PARD3B: variants seen among roughly 807,000 people sequenced by gnomAD.
PARD3B encodes par-3 family cell polarity regulator beta.
A neutral mutation model predicts 130.2 loss-of-function variants in PARD3B; 103 were observed. That is an observed-to-expected ratio of 0.79 (90% CI 0.67 to 0.93). The LOEUF (loss-of-function observed/expected upper bound fraction) is 0.93, where lower values mean the gene tolerates loss of function less well. Among genes scored for constraint, PARD3B ranks in the 40% least tolerant of loss-of-function variants. The probability of loss-of-function intolerance (pLI) is 0.00; values close to 1 mark genes in which losing one functional copy is unlikely to be tolerated. For synonymous variants in PARD3B, 583 were observed against 553.2 expected, an observed-to-expected ratio of 1.05 and a Z score of -0.76; for missense variants, 1,609 against 1,499.2, an observed-to-expected ratio of 1.07 and a Z score of -1.21.
chr2:205,372,856 G>A (rs992514132), intron 18 of PARD3B, among the ~76,000 whole-genome samples: 2 of 152,122 alleles, frequency 1.3e-5, no homozygotes, highest in African/African-American at 2.4e-5. Flanking sequence ...CCATGAGCCT[G>A]TAAGCCCAGC....
chr2:204,938,572 A>G (rs1398988545), intron 2 of PARD3B, among the ~76,000 whole-genome samples: 2 of 152,154 alleles, frequency 1.3e-5, no homozygotes, highest in African/African-American at 2.4e-5. Flanking sequence ...AAAATTCTAT[A>G]TTTGTACATT....
At chr2:205,538,246 TC>T (rs147297390) in intron 21 of PARD3B, among the ~76,000 whole-genome samples, 143 of 152,274 alleles carry the variant, frequency 9.4e-4, no homozygotes, top group Middle Eastern at 3.4e-3. Flanking sequence ...AGAGAATAGT[TC>T]TGTCTGACAG....
At chr2:204,713,317 A>G (rs958849425) in intron 2 of PARD3B, among the ~76,000 whole-genome samples, 1 of 151,782 alleles carries the variant, frequency 6.6e-6, no homozygotes, top group Non-Finnish European at 1.5e-5. Flanking sequence ...GAATGTTCTT[A>G]ATGCCGCAAA....
At chr2:205,512,968 T>C (rs1264359816) in intron 21 of PARD3B, among the ~76,000 whole-genome samples, 1 of 150,038 alleles carries the variant, frequency 6.7e-6, no homozygotes, top group East Asian at 2.0e-4. Flanking sequence ...TTTTTATATC[T>C]ATCATCTACT....
Position 205,011,555 on chromosome 2 carries a change from C to A in PARD3B, c.395-36026C>A, listed in dbSNP as rs1405429782. Among the ~76,000 whole-genome samples, 1 of 152,144 alleles carries A rather than the reference C, an allele frequency of 6.6e-6. No individual in the cohort carries two copies. Among genetic ancestry groups the A allele is most frequent in the Non-Finnish European group, 1.5e-5 (1 of 68,014 alleles). ...TATTTTATTCATCGCACAGACCAAC[C>A]TTGGTGCACTGTAGGAAGGAACTAC... On this transcript the variant is annotated intron_variant, in intron 3 of 22. Transcript: ENST00000406610. The surrounding 1 kb of genome is among the most constrained non-coding windows in gnomAD (Gnocchi z 4.1).
chr2:204,613,169 T>A (rs1016409395), intron 1 of PARD3B, among the ~76,000 whole-genome samples: 8 of 152,054 alleles, frequency 5.3e-5, no homozygotes, highest in Admixed American at 3.9e-4. Context: ...GGAGATATAT[T>A]TTTTTTGACA....
intron 21 of PARD3B, among the ~76,000 whole-genome samples, chr2:205,520,058 C>T (rs2050970273): frequency 6.6e-6 from 1 of 152,146 alleles, no homozygotes; most frequent in Non-Finnish European, 1.5e-5. Context: ...CTGGACTGCC[C>T]ACTGCTGCTC....
chr2:204,611,241 C>T (rs1003656151), intron 1 of PARD3B, among the ~76,000 whole-genome samples: 22 of 152,248 alleles, frequency 1.4e-4, no homozygotes, highest in African/African-American at 4.8e-4. Context: ...AGTGTCATTC[C>T]GAATGTGCTA....
chr2:205,352,756 C>T lies in PARD3B; in HGVS notation c.2631-48257C>T, dbSNP rs2044040394. 1.3e-5 allele frequency among the ~76,000 whole-genome samples: 2 copies of T among 152,112 alleles called. No homozygotes were observed. Among genetic ancestry groups the T allele is most frequent in the South Asian group, 4.2e-4 (2 of 4,816 alleles). On this transcript the variant is annotated intron_variant, in intron 18 of 22. Coordinates refer to ENST00000406610, the MANE Select transcript of PARD3B (RefSeq NM_001302769.2). The surrounding 1 kb of genome is among the most constrained non-coding windows in gnomAD (Gnocchi z 5.2). Reference sequence around the variant, plus strand: ...GTGCTCATAACTTTGCAGCCATGAGCCATCCCCTTGTCATTTTCAGCCCCT... The same window carrying T: ...GTGCTCATAACTTTGCAGCCATGAGTCATCCCCTTGTCATTTTCAGCCCCT...
intron 20 of PARD3B, among the ~76,000 whole-genome samples, chr2:205,474,397 A>C (rs2048955592): frequency 6.6e-6 from 1 of 152,164 alleles, no homozygotes; most frequent in African/African-American, 2.4e-5. Context: ...GCATGCATAT[A>C]GTGCTCACAC....
intron 1 of PARD3B, among the ~76,000 whole-genome samples, chr2:204,679,445 G>A (rs779827999): frequency 1.3e-5 from 2 of 152,078 alleles, no homozygotes; most frequent in Non-Finnish European, 2.9e-5. Flanking sequence ...TTTACCCTTA[G>A]TGTACTAGAA....
intron 13 of PARD3B, among the ~76,000 whole-genome samples, chr2:205,178,588 A>G (rs537595922): frequency 6.6e-6 from 1 of 152,364 alleles, no homozygotes; most frequent in East Asian, 1.9e-4. Flanking sequence ...CTACCTTATG[A>G]TCACGAATGT....
At chr2:204,876,059 CCATGG>C (rs1481933488) in intron 2 of PARD3B, among the ~76,000 whole-genome samples, 1 of 152,154 alleles carries the variant, frequency 6.6e-6, no homozygotes, top group Non-Finnish European at 1.5e-5. Context: ...TGTTTGCAGA[CCATGG>C]CAGTGGAGCC....
chr2:205,054,418 ATATATATATATATATATATT>A (rs1244047618), intron 4 of PARD3B, among the ~76,000 whole-genome samples: 1 of 17,184 alleles, frequency 5.8e-5, no homozygotes, highest in Non-Finnish European at 1.3e-4. Context: ...ATATATATAT[ATATATATATATATATATATT>A]TTTTTTTTTT....
At chr2:205,061,794 C>CA (rs547561903) in intron 4 of PARD3B, among the ~76,000 whole-genome samples, 7,295 of 123,796 alleles carry the variant, frequency 0.059, 210 homozygotes, top group East Asian at 0.14. Flanking sequence ...CTTTTAATTT[C>CA]AAAAAAAAAA....
At chr2:204,718,586 G>A (rs907739936) in intron 2 of PARD3B, among the ~76,000 whole-genome samples, 1 of 152,096 alleles carries the variant, frequency 6.6e-6, no homozygotes, top group Non-Finnish European at 1.5e-5. Flanking sequence ...TTTGAGATGA[G>A]GTTTGGGTGG....
intron 21 of PARD3B, among the ~76,000 whole-genome samples, chr2:205,542,156 A>G (rs2052173629): frequency 6.7e-6 from 1 of 149,876 alleles, no homozygotes; most frequent in African/African-American, 2.4e-5. Context: ...AAAAAAAAAA[A>G]AAAAAAAAAA....
chr2:205,384,525 G>A (rs2045592731), intron 18 of PARD3B, among the ~76,000 whole-genome samples: 1 of 152,054 alleles, frequency 6.6e-6, no homozygotes, highest in Admixed American at 6.6e-5. Flanking sequence ...CTTATGGTCA[G>A]TCCTAAAAGT....
chr2:204,586,343 G>A (rs1442146325), intron 1 of PARD3B, among the ~76,000 whole-genome samples: 3 of 152,144 alleles, frequency 2.0e-5, no homozygotes, highest in South Asian at 4.1e-4. Flanking sequence ...TAGTATTACT[G>A]TAGATCAGAA....
Sources: allele counts gnomAD v4.1 joint callset (sites outside exome capture counted in the v4.1 genomes callset), GRCh38; gene constraint gnomAD v4.1.1; non-coding constraint Gnocchi (gnomAD v3.1); transcripts MANE v1.5; gene names NCBI Gene and HGNC (gene_info 2026-07-23, HGNC 2026-07-21).